ABR: variants seen among roughly 807,000 people sequenced by gnomAD.
ABR encodes ABR activator of RhoGEF and GTPase.
A neutral mutation model predicts 107.2 loss-of-function variants in ABR; 35 were observed. That is an observed-to-expected ratio of 0.33 (90% confidence interval 0.25 to 0.43). ABR has a LOEUF of 0.43. Ranked by LOEUF, ABR falls within the 20% of genes least tolerant of loss-of-function variation. The probability of loss-of-function intolerance (pLI) is 1.00; values close to 1 mark genes in which losing one functional copy is unlikely to be tolerated. For missense variants in ABR, 815 were observed against 1,115.2 expected, an observed-to-expected ratio of 0.73 and a Z score of 3.83; for synonymous variants, 498 against 462.0, an observed-to-expected ratio of 1.08 and a Z score of -1.00.
At chr17:1,063,682 CACT>C (rs2034326799) in intron 10 of ABR, among the ~76,000 whole-genome samples, 1 of 146,624 alleles carries the variant, frequency 6.8e-6, no homozygotes, top group African/African-American at 2.5e-5. Context: ...TTCCTCTAGA[CACT>C]GTTGTTATGT....
At chr17:1,133,974 C>A (rs993948070) in intron 1 of ABR, among the ~76,000 whole-genome samples, 1 of 152,132 alleles carries the variant, frequency 6.6e-6, no homozygotes, top group Non-Finnish European at 1.5e-5. Context: ...CTGCTGCCAC[C>A]AGGAACAGGT....
intron 1 of ABR, among the ~76,000 whole-genome samples, chr17:1,167,971 G>GT (rs1403910600): frequency 2.6e-5 from 4 of 151,778 alleles, no homozygotes; most frequent in Non-Finnish European, 4.4e-5. Flanking sequence ...GGCCAACATG[G>GT]TGAAACCCCG....
chr17:1,099,918 A>G (rs2037748986), intron 3 of ABR, among the ~76,000 whole-genome samples: 2 of 152,284 alleles, frequency 1.3e-5, no homozygotes, highest in East Asian at 3.9e-4. Context: ...ACCTGAGGTC[A>G]GGAGTTGGAA....
chr17:1,146,327 C>T (rs533758685), intron 1 of ABR, among the ~76,000 whole-genome samples: 212 of 151,946 alleles, frequency 1.4e-3, no homozygotes, highest in African/African-American at 4.9e-3. Context: ...CCACCTCTGG[C>T]CCCCACACTC....
chr17:1,168,516 T>G (rs1598035524), intron 1 of ABR, among the ~76,000 whole-genome samples: 1 of 152,092 alleles, frequency 6.6e-6, no homozygotes, highest in South Asian at 2.1e-4. Flanking sequence ...GAATGGGCAG[T>G]GTGCTGGGAA....
intron 2 of ABR, among the ~76,000 whole-genome samples, chr17:1,104,989 G>C (rs908730818): frequency 2.8e-5 from 4 of 145,066 alleles, no homozygotes; most frequent in Admixed American, 1.4e-4. Context: ...ACTCAATATT[G>C]TTCTTTACAG....
At chr17:1,021,672 C>T (rs907263958) in intron 16 of ABR, among the ~76,000 whole-genome samples, 17 of 151,704 alleles carry the variant, frequency 1.1e-4, no homozygotes, top group South Asian at 2.1e-4. Context: ...GGCGTGGTGG[C>T]GGGTGCCTGT....
In ABR at chr17:1,012,668, A is replaced by G. The variant is rs1343890968; in HGVS notation, c.1961+20T>C. The stretch of plus-strand genomic sequence containing the variant: ...CCGGGGCACCGACGCCAGGACTGGG[A>G]GACCCGAGGCAGCACCTACTTCGTC... On this transcript the variant is annotated intron_variant, in intron 18 of 22. Coordinates refer to ENST00000302538, the MANE Select transcript of ABR (RefSeq NM_021962.5). 4 of 1,550,218 alleles carry G rather than the reference A, an allele frequency of 2.6e-6. No homozygotes were observed. Among genetic ancestry groups the G allele is most frequent in the Non-Finnish European group, 3.5e-6 (4 of 1,142,976 alleles).
intron 16 of ABR, among the ~76,000 whole-genome samples, chr17:1,032,176 G>A (rs1031544859): frequency 1.3e-5 from 2 of 151,944 alleles, no homozygotes; most frequent in African/African-American, 2.4e-5. Context: ...GGGGCCAGGC[G>A]GGGGCTGCAT....
At chr17:1,094,890 C>T (rs927435869) in intron 3 of ABR, among the ~76,000 whole-genome samples, 12 of 152,010 alleles carry the variant, frequency 7.9e-5, no homozygotes, top group Non-Finnish European at 1.6e-4. Context: ...ACAGAAGGCA[C>T]CGGGAGGCAG....
chr17:1,036,655 C>CGCT (rs969532857), intron 16 of ABR, among the ~76,000 whole-genome samples: 4 of 151,654 alleles, frequency 2.6e-5, no homozygotes, highest in African/African-American at 7.3e-5. Context: ...CCACACAGGG[C>CGCT]GTGCGAGTTG....
chr17:1,101,040 T>C, intron 2 of ABR: 1 of 384,070 alleles, frequency 2.6e-6, no homozygotes, highest in South Asian at 2.8e-5. Flanking sequence ...GCCAGGCTGA[T>C]ATAGAACTCC....
intron 1 of ABR, among the ~76,000 whole-genome samples, chr17:1,219,439 G>C (rs931335446): frequency 6.6e-6 from 1 of 151,454 alleles, no homozygotes; most frequent in Non-Finnish European, 1.5e-5. Flanking sequence ...GAACCATCCT[G>C]TAAGGCTGAT....
chr17:1,216,210 A>G lies in ABR; in HGVS notation c.838+12583T>C, dbSNP rs553180006. ...AAAAAGAAAGAAACTGAACACCTAA[A>G]TAGAACTTACTATGTGCCAGGCTCA... On this transcript the variant is annotated intron_variant, in intron 1 of 22. Transcript: ENST00000574139. 3.3e-5 allele frequency among the ~76,000 whole-genome samples: 5 copies of G among 152,256 alleles called. No individual in the cohort carries two copies. In the South Asian group the frequency reaches 1.0e-3, roughly 32 times the overall value.
intron 1 of ABR, among the ~76,000 whole-genome samples, chr17:1,223,992 C>A: frequency 6.6e-6 from 1 of 152,322 alleles, no homozygotes. Flanking sequence ...CGAAGGTGCT[C>A]TGTGGAATCC....
chr17:1,083,821 C>T, intron 4 of ABR, 194 bp from the exon 5 acceptor site: 1 of 572,426 alleles, frequency 1.7e-6, no homozygotes. Flanking sequence ...TCCATGGAAA[C>T]CAGCTCAGCC....
Position 1,179,812 on chromosome 17 carries a change from C to T in ABR, c.-85G>A. 4 of 1,309,276 alleles carry T rather than the reference C, an allele frequency of 3.1e-6. No homozygotes were observed. The highest frequency in any genetic ancestry group is 3.0e-6 in the Non-Finnish European group (3 of 1,006,568). 81.1% of individuals were successfully genotyped at this position (1,309,276 alleles called of 1,614,324 possible). ...AGAGCGGGCGGGAGCCGGGGGAGGC[C>T]GAAGTTGCGAGCGCGGAGGGGCGAG... On this transcript the variant is annotated 5_prime_UTR_variant, in exon 1 of 23. Coordinates refer to ENST00000302538, the MANE Select transcript of ABR (RefSeq NM_021962.5). The surrounding 1 kb of genome is among the most constrained non-coding windows in gnomAD (Gnocchi z 4.9).
chr17:1,079,172 G>A (rs1176953860), intron 6 of ABR, 158 bp downstream of exon 6: 62 of 1,463,704 alleles, frequency 4.2e-5, no homozygotes, highest in East Asian at 5.0e-5. Flanking sequence ...GCGCACACGC[G>A]CACTCAGCTC....
intron 1 of ABR, among the ~76,000 whole-genome samples, chr17:1,152,621 C>G (rs1056105098): frequency 1.3e-4 from 20 of 151,764 alleles, no homozygotes; most frequent in African/African-American, 3.9e-4. Flanking sequence ...ACAGTGTCTA[C>G]TACAACTCCC....
Sources: allele counts gnomAD v4.1 joint callset (sites outside exome capture counted in the v4.1 genomes callset), GRCh38; gene constraint gnomAD v4.1.1; non-coding constraint Gnocchi (gnomAD v3.1); transcripts MANE v1.5; gene names NCBI Gene and HGNC (gene_info 2026-07-23, HGNC 2026-07-21).